Variants in GAD2 observed in about 807,000 individuals in gnomAD.
The protein encoded by GAD2 is glutamate decarboxylase 2.
In GAD2, 22 loss-of-function variants were observed where a neutral mutation model predicts 80.1. That is an observed-to-expected ratio of 0.27 (90% CI 0.20 to 0.39). GAD2 has a LOEUF of 0.39. Among genes scored for constraint, GAD2 ranks in the 10% least tolerant of loss-of-function variants. The pLI is 1.00. For synonymous variants in GAD2, 274 were observed against 256.9 expected (o/e 1.07, Z -0.64); for missense variants, 624 against 738.4 (o/e 0.85, Z 1.80).
intron 7 of GAD2, among the ~76,000 whole-genome samples, chr10:26,242,482 A>G (rs573603544): frequency 4.8e-4 from 73 of 152,268 alleles, no homozygotes; most frequent in African/African-American, 1.7e-3. Context: ...GCCCAGAGAG[A>G]CATGCCATTT....
chr10:26,255,015 G>A (rs529823199), intron 8 of GAD2, among the ~76,000 whole-genome samples: 5 of 152,346 alleles, frequency 3.3e-5, no homozygotes, highest in African/African-American at 7.2e-5. Flanking sequence ...ATGAGACACC[G>A]AAGTGAGAGT....
chr10:26,292,924 T>G lies in GAD2; in HGVS notation c.1517T>G (p.Phe506Cys), dbSNP rs1014503957. 5.0e-6 allele frequency: 8 copies of G among 1,613,880 alleles called. No homozygotes were observed. Among genetic ancestry groups the G allele is most frequent in the Non-Finnish European group, 6.8e-6 (8 of 1,179,902 alleles). Residue 506 changes from phenylalanine to cysteine, a missense_variant, in exon 15 of 16, where the codon TTC becomes TGC. By Grantham distance (205) the Phe-to-Cys change is radical. Transcript: ENST00000376261. ...TAGCCTCAGCACACAAATGTCTGCT[T>G]CTGGTACATTCCTCCAAGCTTGCGT... is the stretch of plus-strand genomic sequence containing the variant. ...DGKPQHTNVC[F>C]WYIPPSLRTL...
chr10:26,241,847 C>T (rs1844747335), intron 7 of GAD2, among the ~76,000 whole-genome samples: 1 of 152,082 alleles, frequency 6.6e-6, no homozygotes. Context: ...CGTCCTCACT[C>T]CTCTGGGTGG....
At chr10:26,235,315 C>T (rs1844658591) in intron 7 of GAD2, among the ~76,000 whole-genome samples, 1 of 152,148 alleles carries the variant, frequency 6.6e-6, no homozygotes, top group Non-Finnish European at 1.5e-5. Context: ...ACTCTGTGGC[C>T]TTCTGCATCC....
intron 7 of GAD2, among the ~76,000 whole-genome samples, chr10:26,231,090 C>CA (rs973664816): frequency 6.6e-5 from 10 of 151,524 alleles, no homozygotes; most frequent in African/African-American, 1.9e-4. Flanking sequence ...ACTCCATTCT[C>CA]AAAAAAAACA....
At chr10:26,253,619 A>G (rs1275374192) in intron 8 of GAD2, among the ~76,000 whole-genome samples, 1 of 152,208 alleles carries the variant, frequency 6.6e-6, no homozygotes, top group African/African-American at 2.4e-5. Context: ...TATATGATGG[A>G]AGTGAGCTCC....
intron 8 of GAD2, among the ~76,000 whole-genome samples, chr10:26,263,965 A>G (rs1845038971): frequency 6.6e-6 from 1 of 152,166 alleles, no homozygotes; most frequent in Non-Finnish European, 1.5e-5. Flanking sequence ...CAGTGCCAAG[A>G]ATCTAGGTTT....
At chr10:26,235,953 C>T (rs527526374) in intron 7 of GAD2, among the ~76,000 whole-genome samples, 4 of 152,194 alleles carry the variant, frequency 2.6e-5, no homozygotes, top group Non-Finnish European at 5.9e-5. Flanking sequence ...CAAACAGTGG[C>T]TCTTTAGGCA....
At chr10:26,294,330 C>T (rs1297562567) in intron 15 of GAD2, among the ~76,000 whole-genome samples, 1 of 152,174 alleles carries the variant, frequency 6.6e-6, no homozygotes, top group Non-Finnish European at 1.5e-5. Context: ...AAAACCTTCA[C>T]TAAAGCTTTT....
intron 7 of GAD2, among the ~76,000 whole-genome samples, chr10:26,237,795 G>T (rs1844693138): frequency 6.6e-6 from 1 of 152,036 alleles, no homozygotes; most frequent in African/African-American, 2.4e-5. Context: ...ATCACCTGAG[G>T]TCAGGAGTTT....
chr10:26,216,614 A>G, upstream of GAD2: 1 of 445,494 alleles, frequency 2.2e-6, no homozygotes, highest in South Asian at 3.7e-5. The surrounding 1 kb of genome is among the most constrained non-coding windows in gnomAD (Gnocchi z 4.7). Context: ...CCCTGTCTCC[A>G]GCTCGCATAC....
chr10:26,227,141 C>T (rs953618298), intron 6 of GAD2, among the ~76,000 whole-genome samples: 1 of 152,156 alleles, frequency 6.6e-6, no homozygotes, highest in Non-Finnish European at 1.5e-5. Context: ...TACAGGCATG[C>T]ACCACCATGC....
intron 12 of GAD2, among the ~76,000 whole-genome samples, chr10:26,283,288 T>C (rs1412141372): frequency 6.6e-6 from 1 of 152,134 alleles, no homozygotes; most frequent in Non-Finnish European, 1.5e-5. Flanking sequence ...GTAGAGTAAA[T>C]GTGTGTAGGA....
At chr10:26,218,580 C>CACAA (rs1338911224) in intron 3 of GAD2, among the ~76,000 whole-genome samples, 2 of 151,862 alleles carry the variant, frequency 1.3e-5, no homozygotes, top group African/African-American at 4.8e-5. Flanking sequence ...CACACACACA[C>CACAA]ACACACACTG....
chr10:26,264,161 C>A (rs115745157), intron 8 of GAD2, among the ~76,000 whole-genome samples: 1 of 152,282 alleles, frequency 6.6e-6, no homozygotes, highest in African/African-American at 2.4e-5. Flanking sequence ...ATTGTTTATA[C>A]TTACTATCTT....
At chr10:26,262,437 C>A (rs766286189) in intron 8 of GAD2, among the ~76,000 whole-genome samples, 19 of 151,820 alleles carry the variant, frequency 1.3e-4, no homozygotes, top group Non-Finnish European at 2.4e-4. Flanking sequence ...TCTTTCATTT[C>A]AAATGTTACG....
At chr10:26,250,692 G>A (rs764352295) in intron 8 of GAD2, among the ~76,000 whole-genome samples, 3 of 152,060 alleles carry the variant, frequency 2.0e-5, no homozygotes, top group African/African-American at 4.8e-5. Context: ...CACAGTGAGA[G>A]CTTTAGAAGG....
At chr10:26,284,447 G>T (rs1212325100) in intron 12 of GAD2, among the ~76,000 whole-genome samples, 1 of 151,782 alleles carries the variant, frequency 6.6e-6, no homozygotes, top group Non-Finnish European at 1.5e-5. Context: ...GGACAGGATG[G>T]TCTATAACTT....
At chr10:26,260,387 G>A (rs8190693) in intron 8 of GAD2, among the ~76,000 whole-genome samples, 2,528 of 152,240 alleles carry the variant, frequency 0.017, 67 homozygotes, top group African/African-American at 0.056. Flanking sequence ...CCAGCACTTT[G>A]GAGGGCCGAG....
Sources: gnomAD v4.1 joint callset for allele counts (sites outside exome capture counted in the v4.1 genomes callset) on GRCh38, gnomAD v4.1.1 for gene constraint, Gnocchi (gnomAD v3.1) non-coding constraint, MANE v1.5 for transcripts, NCBI Gene and HGNC (gene_info 2026-07-23, HGNC 2026-07-21) for gene names.